Variants in RNLS observed in about 807,000 individuals in gnomAD.
RNLS encodes renalase.
In RNLS, 39 loss-of-function variants were observed where a neutral mutation model predicts 39.8. The ratio of observed to expected loss-of-function variants is 0.98; its 90% CI spans 0.76 to 1.28. The LOEUF is 1.28. RNLS is among the 50% of genes most tolerant of loss of function. The pLI is 0.00. For missense variants in RNLS, 410 were observed against 413.3 expected (o/e 0.99, Z 0.07); for synonymous variants, 147 against 150.7 (o/e 0.98, Z 0.18).
rs749481718 is a variant in RNLS at position 88,368,100 on chromosome 10, T to C, written c.527-5375A>G. On this transcript the variant is annotated intron_variant, in intron 4 of 6. Coordinates refer to ENST00000331772, the MANE Select transcript of RNLS (RefSeq NM_001031709.3). ...TCAAGATCATAAAGATATTTTCTTA[T>C]GGTTTTTTTTTTCCTGAAAACTTTA... is the stretch of plus-strand genomic sequence containing the variant. Among the ~76,000 whole-genome samples the C allele has an allele frequency of 5.9e-5, 9 of 151,898 alleles. No homozygotes were observed. In the East Asian group the frequency reaches 1.4e-3, roughly 23 times the overall value.
chr10:88,528,147 G>C (rs1466857753), intron 4 of RNLS, among the ~76,000 whole-genome samples: 1 of 151,798 alleles, frequency 6.6e-6, no homozygotes, highest in Non-Finnish European at 1.5e-5. Flanking sequence ...AATTTCAGAA[G>C]ATATGAATAA....
chr10:88,215,976 G>T, the RNLS span, among the ~76,000 whole-genome samples: 1 of 151,898 alleles, frequency 6.6e-6, no homozygotes, highest in Admixed American at 6.6e-5. Context: ...TTGGGATTAG[G>T]TGTAAGCCAC....
intron 4 of RNLS, 87 bp from the exon 5 acceptor site, chr10:88,362,812 T>A: frequency 8.2e-7 from 1 of 1,222,468 alleles, no homozygotes; most frequent in South Asian, 1.6e-5. Flanking sequence ...TTAAACCAGT[T>A]ACAACAGCTT....
At chr10:88,515,853 T>G (rs1482054341) in intron 4 of RNLS, among the ~76,000 whole-genome samples, 1 of 152,014 alleles carries the variant, frequency 6.6e-6, no homozygotes, top group African/African-American at 2.4e-5. Context: ...GTTGAAGCCC[T>G]AACCCCTGGT....
chr10:88,452,058 A>G (rs7899828), intron 4 of RNLS, among the ~76,000 whole-genome samples: 1 of 152,150 alleles, frequency 6.6e-6, no homozygotes. Flanking sequence ...AAGGATTAAA[A>G]GAGATTATTA....
At chr10:88,367,536 T>C (rs1471837690) in intron 4 of RNLS, among the ~76,000 whole-genome samples, 1 of 152,166 alleles carries the variant, frequency 6.6e-6, no homozygotes, top group African/African-American at 2.4e-5. Flanking sequence ...AACATATGTA[T>C]GTGATTCTCT....
intron 4 of RNLS, among the ~76,000 whole-genome samples, chr10:88,531,740 G>A (rs1382716765): frequency 2.6e-5 from 4 of 152,088 alleles, no homozygotes; most frequent in African/African-American, 9.7e-5. Flanking sequence ...TAGTTTTTAT[G>A]GGTTTCCAGC....
At chr10:88,213,564 G>A in the RNLS span, among the ~76,000 whole-genome samples, 2 of 152,180 alleles carry the variant, frequency 1.3e-5, no homozygotes, top group East Asian at 1.9e-4. Flanking sequence ...AGTTTCCCAA[G>A]GAGAGTTCTC....
At chr10:88,431,051 G>A (rs969895970) in intron 4 of RNLS, among the ~76,000 whole-genome samples, 3 of 151,614 alleles carry the variant, frequency 2.0e-5, no homozygotes, top group Admixed American at 6.6e-5. Flanking sequence ...TGTAGGATTG[G>A]TATTATGTCT....
chr10:88,264,453 C>G, the RNLS span, among the ~76,000 whole-genome samples: 1 of 152,094 alleles, frequency 6.6e-6, no homozygotes, highest in African/African-American at 2.4e-5. Context: ...TAAAAGTGTT[C>G]TCTTTTCACC....
At chr10:88,362,479 A>T in intron 5 of RNLS, 73 bp downstream of exon 5, 1 of 1,396,808 alleles carries the variant, frequency 7.2e-7, no homozygotes, top group Non-Finnish European at 9.9e-7. Context: ...GGCAACACTC[A>T]ATTAAACAGC....
chr10:88,181,117 T>C, the RNLS span, among the ~76,000 whole-genome samples: 1 of 152,182 alleles, frequency 6.6e-6, no homozygotes, highest in Admixed American at 6.5e-5. Flanking sequence ...TTTCTTGGGT[T>C]ATCAGATGGG....
At chr10:88,395,700 T>C (rs1852517725) in intron 4 of RNLS, among the ~76,000 whole-genome samples, 1 of 151,954 alleles carries the variant, frequency 6.6e-6, no homozygotes, top group Non-Finnish European at 1.5e-5. Flanking sequence ...GGCTAAAACT[T>C]TCCAGTTTGA....
rs563348958 is a variant in RNLS at position 88,298,207 on chromosome 10, A to G, written c.877-12701T>C. Among the ~76,000 whole-genome samples, 9 of 151,568 alleles carry G rather than the reference A, an allele frequency of 5.9e-5. No homozygotes were observed. In the South Asian group the frequency reaches 1.9e-3, roughly 32 times the overall value. On this transcript the variant is annotated intron_variant, in intron 6 of 6. Transcript: ENST00000331772. ...TTATTTTTTATTTTTTGCTGTTGTA[A>G]GAGTTCTTTATACATTCTAGATAGT...
chr10:88,346,084 C>T (rs752126883), intron 5 of RNLS, among the ~76,000 whole-genome samples: 3 of 152,002 alleles, frequency 2.0e-5, no homozygotes, highest in Non-Finnish European at 4.4e-5. Context: ...ATTTTAATAT[C>T]ATTCTGATAT....
chr10:88,252,859 T>C, the RNLS span, among the ~76,000 whole-genome samples: 1 of 152,254 alleles, frequency 6.6e-6, no homozygotes, highest in African/African-American at 2.4e-5. Flanking sequence ...GATAACTTTC[T>C]AAGTCTGTAC....
At chr10:88,418,330 G>GATGT (rs1272966519) in intron 4 of RNLS, among the ~76,000 whole-genome samples, 1 of 152,170 alleles carries the variant, frequency 6.6e-6, no homozygotes, top group Non-Finnish European at 1.5e-5. Flanking sequence ...CAGTCACTCA[G>GATGT]ATGTATGTGG....
At chr10:88,375,356 C>T (rs947133100) in intron 4 of RNLS, among the ~76,000 whole-genome samples, 1 of 152,112 alleles carries the variant, frequency 6.6e-6, no homozygotes, top group African/African-American at 2.4e-5. Context: ...CCCGAAGTCC[C>T]CTTCCGAATC....
intron 5 of RNLS, among the ~76,000 whole-genome samples, chr10:88,356,514 G>A (rs557514735): frequency 6.6e-6 from 1 of 152,256 alleles, no homozygotes; most frequent in Non-Finnish European, 1.5e-5. Flanking sequence ...CTCATATTAT[G>A]TCCTTCTTTT....
Sources: gnomAD v4.1 joint callset for allele counts (sites outside exome capture counted in the v4.1 genomes callset) on GRCh38, gnomAD v4.1.1 for gene constraint, MANE v1.5 for transcripts, NCBI Gene and HGNC (gene_info 2026-07-23, HGNC 2026-07-21) for gene names.